FRAS1: variants seen among roughly 807,000 people sequenced by gnomAD.
FRAS1 encodes the protein Fraser extracellular matrix complex subunit 1, also known as extracellular matrix organizing protein FRAS1.
FRAS1 carries 290 observed loss-of-function variants against 435.2 expected under a neutral mutation model. That is an observed-to-expected ratio of 0.67 (90% CI 0.61 to 0.73). The LOEUF is 0.73. Among genes scored for constraint, FRAS1 ranks in the 30% least tolerant of loss-of-function variants. The probability of loss-of-function intolerance (pLI) is 0.00; values close to 1 mark genes in which losing one functional copy is unlikely to be tolerated. For synonymous variants in FRAS1, 1,800 were observed against 1,851.0 expected (o/e 0.97, Z 0.71); for missense variants, 4,860 against 5,001.5 (o/e 0.97, Z 0.85).
chr4:78,267,374 G>A lies in FRAS1; in HGVS notation c.923G>A (p.Cys308Tyr), dbSNP rs1726417980. ...WKGSACEFCM[C>Y]DHGQVTCQTG... is the part of the protein sequence containing the mutation. ...GGCTCGGCCTGTGAGTTCTGCATGT[G>A]TGATCATGGCCAAGTGACCTGCCAG... is the stretch of plus-strand genomic sequence containing the variant. The change falls in exon 9 of 74, where the codon TGT becomes TAT. Residue 308 changes from cysteine to tyrosine, a missense_variant. Transcript: ENST00000512123. 6.2e-7 allele frequency: 1 copy of A among 1,613,850 alleles called. No individual in the cohort carries two copies. Among genetic ancestry groups the A allele is most frequent in the Non-Finnish European group, 8.5e-7 (1 of 1,179,878 alleles).
At chr4:78,483,782 C>G (rs866411462) in intron 58 of FRAS1, among the ~76,000 whole-genome samples, 1 of 83,288 alleles carries the variant, frequency 1.2e-5, no homozygotes, top group Non-Finnish European at 2.8e-5. Context: ...CTCTCTCTCT[C>G]TATATATATA....
intron 1 of FRAS1, among the ~76,000 whole-genome samples, chr4:78,062,210 G>A (rs556463340): frequency 1.8e-4 from 28 of 152,286 alleles, no homozygotes; most frequent in African/African-American, 6.3e-4. Context: ...ACTACCACAT[G>A]TCAAAGTTGG....
chr4:78,205,038 G>C (rs972130158), intron 2 of FRAS1, among the ~76,000 whole-genome samples: 2 of 152,144 alleles, frequency 1.3e-5, no homozygotes, highest in African/African-American at 4.8e-5. Context: ...CTTGCTGGGT[G>C]GTGGAGCTTG....
intron 47 of FRAS1, among the ~76,000 whole-genome samples, chr4:78,458,147 A>G (rs887888614): frequency 2.0e-5 from 3 of 152,262 alleles, no homozygotes; most frequent in Middle Eastern, 3.4e-3. Flanking sequence ...GCCTCCAGGG[A>G]TGTGTGAGCT....
At chr4:78,362,110 C>G (rs572208656) in intron 20 of FRAS1, among the ~76,000 whole-genome samples, 3 of 152,222 alleles carry the variant, frequency 2.0e-5, no homozygotes, top group African/African-American at 7.2e-5. Context: ...AGCTTTAATC[C>G]CAACTGGTAT....
At chr4:78,213,064 T>A (rs564479781) in intron 2 of FRAS1, among the ~76,000 whole-genome samples, 2 of 152,078 alleles carry the variant, frequency 1.3e-5, no homozygotes, top group Non-Finnish European at 2.9e-5. Context: ...CAGGGAGAAA[T>A]AATATCGTGG....
chr4:78,480,034 G>A (rs563288940), intron 56 of FRAS1, among the ~76,000 whole-genome samples: 1 of 152,234 alleles, frequency 6.6e-6, no homozygotes, highest in South Asian at 2.1e-4. Flanking sequence ...CAGGATAAAT[G>A]GGGTGTTCAT....
chr4:78,280,825 T>C (rs1727298254), intron 10 of FRAS1, among the ~76,000 whole-genome samples: 1 of 152,218 alleles, frequency 6.6e-6, no homozygotes, highest in African/African-American at 2.4e-5. Flanking sequence ...AGTGCTTTCT[T>C]GGCACATTTT....
At chr4:78,089,103 A>C (rs1273579397) in intron 2 of FRAS1, among the ~76,000 whole-genome samples, 1 of 152,148 alleles carries the variant, frequency 6.6e-6, no homozygotes, top group Non-Finnish European at 1.5e-5. Context: ...GCAGCCATAA[A>C]AAATGATGAG....
At chr4:78,498,099 G>T (rs1720559107) in intron 60 of FRAS1, among the ~76,000 whole-genome samples, 1 of 152,204 alleles carries the variant, frequency 6.6e-6, no homozygotes, top group South Asian at 2.1e-4. Context: ...GACAGGGACG[G>T]GGGCCTGGGG....
chr4:78,160,925 G>T (rs1219975766), intron 2 of FRAS1, among the ~76,000 whole-genome samples: 2 of 152,114 alleles, frequency 1.3e-5, no homozygotes, highest in Admixed American at 1.3e-4. Flanking sequence ...GATCACTGAA[G>T]GTTAGGAGTT....
In FRAS1 at chr4:78,369,424, C is replaced by G. The variant is rs961867360; in HGVS notation, c.2723-414C>G. Reference sequence around the variant, plus strand: ...TAAAGTATGGGATTTCCCAAGCTCCCCAATAAAGTTGGTGCCTAATTTTAA... The same window carrying G: ...TAAAGTATGGGATTTCCCAAGCTCCGCAATAAAGTTGGTGCCTAATTTTAA... On this transcript the variant is annotated intron_variant, in intron 22 of 73. Transcript: ENST00000512123. 9.2e-5 allele frequency among the ~76,000 whole-genome samples: 14 copies of G among 152,256 alleles called. No individual in the cohort carries two copies. In the East Asian group the frequency reaches 2.7e-3, roughly 29 times the overall value.
chr4:78,317,741 T>A (rs185707809), intron 17 of FRAS1, among the ~76,000 whole-genome samples: 5 of 152,290 alleles, frequency 3.3e-5, no homozygotes, highest in Admixed American at 3.3e-4. Flanking sequence ...TTTCTGGCTG[T>A]TTTTAGGGGG....
intron 2 of FRAS1, among the ~76,000 whole-genome samples, chr4:78,221,643 A>G (rs1724053006): frequency 6.6e-6 from 1 of 152,148 alleles, no homozygotes; most frequent in African/African-American, 2.4e-5. Context: ...TGTGTGGCTC[A>G]CCGTCCTCCC....
intron 20 of FRAS1, among the ~76,000 whole-genome samples, chr4:78,360,097 A>G (rs1731019951): frequency 6.6e-6 from 1 of 152,218 alleles, no homozygotes; most frequent in Non-Finnish European, 1.5e-5. Flanking sequence ...AGGAACCCAT[A>G]TATTTATAAG....
intron 6 of FRAS1, among the ~76,000 whole-genome samples, chr4:78,262,951 G>A (rs1726183712): frequency 6.6e-6 from 1 of 152,150 alleles, no homozygotes; most frequent in South Asian, 2.1e-4. Context: ...ACCAGCCATA[G>A]ACAATATGTA....
rs900841 is a variant in FRAS1, at chr4:78,318,630, C to T, written c.1961-180C>T. On this transcript the variant is annotated intron_variant, in intron 17 of 73. Coordinates refer to ENST00000512123, the MANE Select transcript of FRAS1 (RefSeq NM_025074.7). Reference sequence around the variant, plus strand: ...TGGGAGATGTGACTGGTTAACACCACCCCTCACTGTTCCTTTCACAAACAT... The same window carrying T: ...TGGGAGATGTGACTGGTTAACACCATCCCTCACTGTTCCTTTCACAAACAT... 8.0e-4 allele frequency among the ~76,000 whole-genome samples: 122 copies of T among 152,314 alleles called. No homozygotes were observed. In the East Asian group the frequency reaches 0.021, roughly 26 times the overall value.
At chr4:78,456,030 C>T (rs1496582) in intron 47 of FRAS1, among the ~76,000 whole-genome samples, 111,582 of 151,426 alleles carry the variant, frequency 0.74, 41,454 homozygotes, top group African/African-American at 0.79. Flanking sequence ...TGGCCCAAGG[C>T]GAATGCAGCA....
At chr4:78,331,575 A>AG (rs148499469) in intron 18 of FRAS1, among the ~76,000 whole-genome samples, 5,970 of 152,254 alleles carry the variant, frequency 0.039, 324 homozygotes, top group African/African-American at 0.12. Context: ...ACATCTTATT[A>AG]GGGGTTGGTG....
Sources: allele counts gnomAD v4.1 joint callset (sites outside exome capture counted in the v4.1 genomes callset), GRCh38; gene constraint gnomAD v4.1.1; transcripts MANE v1.5; gene names NCBI Gene and HGNC (gene_info 2026-07-23, HGNC 2026-07-21).